The following OTOGL variants were observed in gnomAD, a reference collection of about 807,000 sequenced individuals.
OTOGL encodes otogelin like.
Under a neutral mutation model 318.5 loss-of-function variants are expected in OTOGL, and 285 were observed. The observed-to-expected ratio is 0.89, with a 90% CI of 0.81 to 0.99. The LOEUF (loss-of-function observed/expected upper bound fraction) is 0.99, where lower values mean the gene tolerates loss of function less well. Ranked by LOEUF, OTOGL falls within the 50% of genes least tolerant of loss-of-function variation. The probability of loss-of-function intolerance (pLI) is 0.00; values close to 1 mark genes in which losing one functional copy is unlikely to be tolerated. For missense variants in OTOGL, 2,899 were observed against 2,845.6 expected, an observed-to-expected ratio of 1.02 and a Z score of -0.43; for synonymous variants, 987 against 936.5, an observed-to-expected ratio of 1.05 and a Z score of -0.99.
At chr12:80,308,262 C>T (rs1469894357) in intron 29 of OTOGL, among the ~76,000 whole-genome samples, 17 of 150,846 alleles carry the variant, frequency 1.1e-4, no homozygotes, top group Admixed American at 2.6e-4. Flanking sequence ...GGGCGGCTGC[C>T]GGGCGGAGGG....
intron 26 of OTOGL, 52 bp downstream of exon 26, chr12:80,279,218 A>C: frequency 6.7e-7 from 1 of 1,489,120 alleles, no homozygotes; most frequent in East Asian, 2.3e-5. Flanking sequence ...ATTTAATGTA[A>C]AAAACAAGTA....
intron 44 of OTOGL, among the ~76,000 whole-genome samples, chr12:80,348,504 T>G (rs1889344286): frequency 6.6e-6 from 1 of 152,216 alleles, no homozygotes; most frequent in Non-Finnish European, 1.5e-5. Flanking sequence ...ACCAGTACCA[T>G]GCTGTTTTGG....
chr12:80,108,860 GTATA>G (rs535352301), intron 1 of OTOGL, among the ~76,000 whole-genome samples: 1 of 137,290 alleles, frequency 7.3e-6, no homozygotes, highest in Non-Finnish European at 1.5e-5. Flanking sequence ...ATATATATGT[GTATA>G]TATATGTGTA....
intron 27 of OTOGL, among the ~76,000 whole-genome samples, chr12:80,301,917 G>C (rs187760673): frequency 4.1e-4 from 63 of 152,266 alleles, no homozygotes; most frequent in Non-Finnish European, 6.8e-4. Flanking sequence ...CATGTGCTGT[G>C]GCTGTCAGTT....
At chr12:80,130,189 G>A (rs1871151519) in intron 1 of OTOGL, among the ~76,000 whole-genome samples, 1 of 152,042 alleles carries the variant, frequency 6.6e-6, no homozygotes, top group African/African-American at 2.4e-5. Flanking sequence ...TATTGAACAA[G>A]TCATTCCATC....
chr12:80,364,125 G>T (rs1477961743), intron 52 of OTOGL, among the ~76,000 whole-genome samples: 1 of 152,050 alleles, frequency 6.6e-6, no homozygotes, highest in African/African-American at 2.4e-5. Flanking sequence ...TTAGCATTGT[G>T]CTAGACACAC....
chr12:80,129,609 AT>A (rs552821527), intron 1 of OTOGL, among the ~76,000 whole-genome samples: 91 of 148,168 alleles, frequency 6.1e-4, no homozygotes, highest in East Asian at 5.5e-3. Flanking sequence ...TCACTATCTC[AT>A]TTTTTTTTTC....
chr12:80,363,865 C>T (rs1890376361), intron 52 of OTOGL, among the ~76,000 whole-genome samples: 1 of 152,012 alleles, frequency 6.6e-6, no homozygotes, highest in Non-Finnish European at 1.5e-5. Context: ...GTAGCAGTCT[C>T]TATGTTCATA....
intron 1 of OTOGL, among the ~76,000 whole-genome samples, chr12:80,148,142 C>T (rs1335385152): frequency 6.6e-6 from 1 of 151,238 alleles, no homozygotes; most frequent in Non-Finnish European, 1.5e-5. Flanking sequence ...CAGTTTCTTC[C>T]TAGTCTCGAT....
chr12:80,130,201 T>C (rs1871152422), intron 1 of OTOGL, among the ~76,000 whole-genome samples: 1 of 152,228 alleles, frequency 6.6e-6, no homozygotes, highest in African/African-American at 2.4e-5. Context: ...CATTCCATCA[T>C]GCCCTGTGTT....
Position 80,265,041 on chromosome 12 carries a change from C to T in OTOGL, c.2055C>T (p.Leu685=). 3 of 1,613,908 alleles carry T rather than the reference C, an allele frequency of 1.9e-6. No individual in the cohort carries two copies. Among genetic ancestry groups the T allele is most frequent in the Non-Finnish European group, 2.5e-6 (3 of 1,179,852 alleles). ...ACTGTGATGTCATCCACCAGGAGCTCTTTGCTCCTTGCCACATCTATATTA... is the reference window on the plus strand; with the variant it reads ...ACTGTGATGTCATCCACCAGGAGCTTTTTGCTCCTTGCCACATCTATATTA... The part of the protein sequence containing the change: ...AAHCDVIHQE[L]FAPCHIYISP... The change falls in exon 20 of 59, where the codon CTC becomes CTT. Residue 685 remains leucine, a synonymous_variant. Coordinates refer to ENST00000547103, the MANE Select transcript of OTOGL (RefSeq NM_001378609.3).
At position 80,230,810 on chromosome 12, in the gene OTOGL, TA is replaced by T. The variant is rs1879294015; in HGVS notation, c.611+1434del. 5.9e-5 allele frequency among the ~76,000 whole-genome samples: 9 copies of T among 152,332 alleles called. No homozygotes were observed. The South Asian group carries it at 1.9e-3, about 32-fold the overall frequency. ...GATTTCAGTTCTTTCACCTGTGAAA[TA>T]AGGGGTTTCAGTACAAATGAATCCC... On this transcript the variant is annotated intron_variant, in intron 8 of 58. Transcript: ENST00000547103.
At chr12:80,332,689 T>C (rs1341723107) in intron 37 of OTOGL, among the ~76,000 whole-genome samples, 1 of 152,214 alleles carries the variant, frequency 6.6e-6, no homozygotes, top group East Asian at 1.9e-4. Context: ...TTTTTACCTG[T>C]TCACGCAATT....
At chr12:80,371,581 A>C (rs1015450263) in intron 56 of OTOGL, among the ~76,000 whole-genome samples, 6 of 152,104 alleles carry the variant, frequency 3.9e-5, no homozygotes, top group Non-Finnish European at 5.9e-5. Context: ...GGAAGGAAAT[A>C]TTTTTTCATA....
At chr12:80,357,136 A>C (rs1889957134) in intron 49 of OTOGL, among the ~76,000 whole-genome samples, 1 of 152,224 alleles carries the variant, frequency 6.6e-6, no homozygotes, top group Non-Finnish European at 1.5e-5. Flanking sequence ...ATCAGTCCAA[A>C]TATGACCAAG....
At chr12:80,144,996 T>C (rs1252161470) in intron 1 of OTOGL, among the ~76,000 whole-genome samples, 1 of 151,250 alleles carries the variant, frequency 6.6e-6, no homozygotes, top group African/African-American at 2.5e-5. Flanking sequence ...TTTTCTCCCA[T>C]GTTGTAGGTT....
At chr12:80,194,643 A>G (rs1875920071) in intron 1 of OTOGL, among the ~76,000 whole-genome samples, 1 of 152,212 alleles carries the variant, frequency 6.6e-6, no homozygotes, top group Non-Finnish European at 1.5e-5. Context: ...AAATGAGAAA[A>G]AGTTTTCCAT....
intron 20 of OTOGL, among the ~76,000 whole-genome samples, chr12:80,266,244 C>T (rs905298857): frequency 6.6e-6 from 1 of 152,146 alleles, no homozygotes; most frequent in South Asian, 2.1e-4. Context: ...TACCATTTGG[C>T]CCTTTGCAGA....
chr12:80,196,385 T>G (rs2137273939), intron 1 of OTOGL, among the ~76,000 whole-genome samples: 1 of 152,342 alleles, frequency 6.6e-6, no homozygotes, highest in South Asian at 2.1e-4. Flanking sequence ...GGGTCTCAGA[T>G]TTATTAACGC....
Sources: gnomAD v4.1 joint callset for allele counts (sites outside exome capture counted in the v4.1 genomes callset) on GRCh38, gnomAD v4.1.1 for gene constraint, MANE v1.5 for transcripts, NCBI Gene and HGNC (gene_info 2026-07-23, HGNC 2026-07-21) for gene names.